The following FAXDC2 variants were observed in gnomAD, a reference collection of about 807,000 sequenced individuals.
FAXDC2 encodes fatty acid hydroxylase domain containing 2, also known as fatty acid hydroxylase domain-containing protein 2.
FAXDC2 carries 41 observed loss-of-function variants against 40.9 expected under a neutral mutation model. The ratio of observed to expected loss-of-function variants is 1.00; its 90% CI spans 0.78 to 1.30. FAXDC2 has a LOEUF of 1.30. Ranked by LOEUF, FAXDC2 falls within the 50% of genes most tolerant of loss-of-function variation. FAXDC2 has a pLI of 0.00. For missense variants in FAXDC2, 390 were observed against 408.8 expected, an observed-to-expected ratio of 0.95 and a Z score of 0.40; for synonymous variants, 157 against 149.3, an observed-to-expected ratio of 1.05 and a Z score of -0.38.
intron 5 of FAXDC2, 136 bp downstream of exon 5, chr5:154,830,658 AACCTTCT>A: frequency 1.1e-6 from 1 of 902,522 alleles, no homozygotes; most frequent in Non-Finnish European, 1.7e-6. Flanking sequence ...TCCTCTCTTT[AACCTTCT>A]AAACTGGGGG....
rs745408356 is a variant in FAXDC2 at position 154,821,330 on chromosome 5, TG to T, written c.774del (p.Thr259ProfsTer147). 2 of 1,610,178 alleles carry T rather than the reference TG, an allele frequency of 1.2e-6. No individual in the cohort carries two copies. Among genetic ancestry groups the T allele is most frequent in the Non-Finnish European group, 1.7e-6 (2 of 1,178,608 alleles). On this transcript the variant is annotated frameshift_variant, in exon 8 of 9. Transcript: ENST00000326080. LOFTEE classifies it high-confidence loss of function. ...AGGTGGTAGCCACAGTGGGAGATGG[TG>T]GTGATGATGAGGGCCAAGGAAAACC... ...TMWFSLALII[T>X]TISHCGYHLP...
chr5:154,824,684 G>A, intron 5 of FAXDC2: 1 of 648,128 alleles, frequency 1.5e-6, no homozygotes, highest in Non-Finnish European at 2.8e-6. Context: ...CCACTATGTA[G>A]CACTCAGTGT....
intron 4 of FAXDC2, among the ~76,000 whole-genome samples, chr5:154,832,560 G>A (rs1760220991): frequency 1.3e-5 from 2 of 152,148 alleles, no homozygotes; most frequent in Admixed American, 1.3e-4. Context: ...AAAAAAGGCT[G>A]ATGGTTACCC....
At chr5:154,839,199 GCCTGTTGTC>G (rs1000643150) in intron 1 of FAXDC2, among the ~76,000 whole-genome samples, 4 of 151,690 alleles carry the variant, frequency 2.6e-5, no homozygotes, top group African/African-American at 9.7e-5. Flanking sequence ...GGTGGTGCAT[GCCTGTTGTC>G]CCAGCTACTC....
At chr5:154,850,230 G>A (rs549210348) in intron 1 of FAXDC2, among the ~76,000 whole-genome samples, 1 of 152,356 alleles carries the variant, frequency 6.6e-6, no homozygotes, top group African/African-American at 2.4e-5. Flanking sequence ...TGAGGAGGTA[G>A]ATGGTACAAA....
At chr5:154,835,911 T>C (rs1427965115) in intron 2 of FAXDC2, among the ~76,000 whole-genome samples, 1 of 134,536 alleles carries the variant, frequency 7.4e-6, no homozygotes, top group African/African-American at 3.1e-5. Context: ...TTTTTTTTTT[T>C]TTGAGGCAGT....
intron 2 of FAXDC2, chr5:154,836,068 T>G (rs945884674): frequency 6.6e-6 from 1 of 151,860 alleles, no homozygotes; most frequent in Non-Finnish European, 1.5e-5. Context: ...TGTTTGTATT[T>G]TTAGTAGCGA....
At chr5:154,840,296 TCCTGGCTTCAAGCAATCCTCTTG>T (rs368710658) in intron 1 of FAXDC2, among the ~76,000 whole-genome samples, 3,898 of 152,254 alleles carry the variant, frequency 0.026, 165 homozygotes, top group African/African-American at 0.09. Flanking sequence ...GGTCTTGAAC[TCCTGGCTTCAAGCAATCCTCTTG>T]CCTGGCTTCA....
chr5:154,838,204 C>A, intron 1 of FAXDC2, 26 bp from the exon 2 acceptor site: 2 of 1,609,284 alleles, frequency 1.2e-6, no homozygotes, highest in Middle Eastern at 1.7e-4. Context: ...ACAGGCGAGC[C>A]GGGGAGTTAT....
intron 5 of FAXDC2, among the ~76,000 whole-genome samples, chr5:154,830,165 TCTTC>T (rs1473607474): frequency 3.9e-5 from 6 of 152,172 alleles, no homozygotes; most frequent in Non-Finnish European, 8.8e-5. Flanking sequence ...AGAATCAACT[TCTTC>T]CTTGTTGTGT....
In FAXDC2 at chr5:154,847,339, G is replaced by A. The variant is rs530718699; in HGVS notation, c.-1+3144C>T. Among the ~76,000 whole-genome samples the A allele has an allele frequency of 1.2e-4, 18 of 152,284 alleles. No individual in the cohort carries two copies. In the South Asian group the frequency reaches 3.7e-3, roughly 32 times the overall value. ...CCCCAATCTAGATAAATGACACAGT[G>A]AAGCTATAGCTAATGTTTACAACTT... is the stretch of plus-strand genomic sequence containing the variant. On this transcript the variant is annotated intron_variant, in intron 1 of 8. Transcript: ENST00000326080.
chr5:154,848,210 T>C (rs1355530591), intron 1 of FAXDC2, among the ~76,000 whole-genome samples: 1 of 152,192 alleles, frequency 6.6e-6, no homozygotes, highest in African/African-American at 2.4e-5. Flanking sequence ...TGTAAACAAC[T>C]TGTAAAATTG....
intron 5 of FAXDC2, chr5:154,824,669 A>C: frequency 1.5e-6 from 1 of 671,748 alleles, no homozygotes; most frequent in African/African-American, 1.8e-5. Context: ...ATATTTATTG[A>C]GTACCCACTA....
In FAXDC2 at chr5:154,820,187, C is replaced by T. The variant is rs372917228; in HGVS notation, c.*129G>A. On this transcript the variant is annotated 3_prime_UTR_variant, in exon 9 of 9. Transcript: ENST00000326080. The stretch of plus-strand genomic sequence containing the variant: ...GGCCCTGCTTTTCCGGGAAGCCGAC[C>T]TTCCCTCTACCCTGGTGGTGCCATC... The T allele has an allele frequency of 1.4e-6, 1 of 739,926 alleles. No individual in the cohort carries two copies. 45.8% of individuals were successfully genotyped at this position (739,926 alleles called of 1,614,324 possible).
chr5:154,832,392 T>G (rs1314190696), intron 4 of FAXDC2, among the ~76,000 whole-genome samples: 1 of 152,128 alleles, frequency 6.6e-6, no homozygotes, highest in Admixed American at 6.6e-5. Context: ...TTTTTGTATT[T>G]TTAGTAGAGA....
rs546892508 is a variant in FAXDC2 at position 154,843,681 on chromosome 5, A to G, written c.1-5503T>C. Among the ~76,000 whole-genome samples the G allele has an allele frequency of 9.8e-5, 15 of 152,358 alleles. No homozygotes were observed. The South Asian group carries it at 2.3e-3, about 23-fold the overall frequency. On this transcript the variant is annotated intron_variant, in intron 1 of 8. Transcript: ENST00000326080. ...AAAGAATGCTGTTTTTAGTCAGACC[A>G]TAGTTAAACAAGATAGATAGAAGAG...
Position 154,820,229 on chromosome 5 carries a change from G to A in FAXDC2, c.*87C>T, listed in dbSNP as rs1443789422. The A allele has an allele frequency of 1.6e-5, 19 of 1,178,624 alleles. No individual in the cohort carries two copies. In the East Asian group the frequency reaches 2.6e-4, roughly 16 times the overall value. The allele number at this position is 1,178,624 out of a possible 1,614,324, so 73.0% of individuals were successfully genotyped here. ...GGTGCCATCATTAGGGCGTGTGGCC[G>A]AAGGAGGCAAATTGTTAGGTGCAAT... On this transcript the variant is annotated 3_prime_UTR_variant, in exon 9 of 9. Coordinates refer to ENST00000326080, the MANE Select transcript of FAXDC2 (RefSeq NM_032385.5).
At chr5:154,834,427 G>A (rs1054456459) in intron 4 of FAXDC2, among the ~76,000 whole-genome samples, 198 bp downstream of exon 4, 3 of 152,124 alleles carry the variant, frequency 2.0e-5, no homozygotes, top group African/African-American at 7.2e-5. Flanking sequence ...TAACTTCTCA[G>A]CTTCTTTTTT....
At chr5:154,838,304 G>A (rs1760402325) in intron 1 of FAXDC2, 126 bp from the exon 2 acceptor site, 1 of 783,734 alleles carries the variant, frequency 1.3e-6, no homozygotes, top group South Asian at 1.6e-5. Flanking sequence ...TTGGCTTGTT[G>A]TTCTTCCTGA....
Sources: allele counts gnomAD v4.1 joint callset (sites outside exome capture counted in the v4.1 genomes callset), GRCh38; gene constraint gnomAD v4.1.1; transcripts MANE v1.5; gene names NCBI Gene and HGNC (gene_info 2026-07-23, HGNC 2026-07-21).